ZMAT4: variants seen among roughly 807,000 people sequenced by gnomAD.
ZMAT4 encodes the protein zinc finger matrin-type 4.
A neutral mutation model predicts 28.7 loss-of-function variants in ZMAT4; 17 were observed. The ratio of observed to expected loss-of-function variants is 0.59; its 90% CI spans 0.41 to 0.89. ZMAT4 has a LOEUF of 0.89. ZMAT4 is among the 40% of genes least tolerant of loss of function. The probability of loss-of-function intolerance (pLI) is 0.00; values close to 1 mark genes in which losing one functional copy is unlikely to be tolerated. For synonymous variants in ZMAT4, 117 were observed against 109.2 expected (o/e 1.07, Z -0.44); for missense variants, 240 against 283.8 (o/e 0.85, Z 1.11).
intron 1 of ZMAT4, among the ~76,000 whole-genome samples, chr8:40,868,275 C>G (rs1258727951): frequency 2.6e-5 from 4 of 152,270 alleles, no homozygotes; most frequent in Middle Eastern, 3.4e-3. Context: ...TATCAGGAGA[C>G]AGAGTGCTGT....
At chr8:40,675,318 C>A (rs984242911) in intron 4 of ZMAT4, among the ~76,000 whole-genome samples, 4 of 152,016 alleles carry the variant, frequency 2.6e-5, no homozygotes, top group African/African-American at 9.7e-5. Context: ...AAGGCCTTTC[C>A]CACTCACTTT....
intron 6 of ZMAT4, among the ~76,000 whole-genome samples, chr8:40,572,396 A>G (rs985448132): frequency 1.3e-5 from 2 of 152,204 alleles, no homozygotes; most frequent in African/African-American, 2.4e-5. Flanking sequence ...AGGAAGAAGC[A>G]GATTTAGAAA....
intron 2 of ZMAT4, among the ~76,000 whole-genome samples, chr8:40,795,021 G>A (rs1276084749): frequency 6.6e-6 from 1 of 152,140 alleles, no homozygotes; most frequent in Admixed American, 6.5e-5. Flanking sequence ...AGGAACCTAA[G>A]ACAAAGCCTC....
intron 3 of ZMAT4, among the ~76,000 whole-genome samples, chr8:40,760,496 G>C (rs942845561): frequency 2.6e-5 from 4 of 152,070 alleles, no homozygotes. Flanking sequence ...AACCAGATTG[G>C]GGGTAGGAGA....
chr8:40,799,154 G>T (rs574186499), intron 2 of ZMAT4, among the ~76,000 whole-genome samples: 1 of 144,726 alleles, frequency 6.9e-6, no homozygotes, highest in Non-Finnish European at 1.5e-5. Context: ...TGGCTGGCTG[G>T]CTGGATGGAT....
intron 3 of ZMAT4, among the ~76,000 whole-genome samples, chr8:40,702,335 G>A (rs574907047): frequency 6.6e-6 from 1 of 152,234 alleles, no homozygotes; most frequent in African/African-American, 2.4e-5. Flanking sequence ...TTGATTAATT[G>A]ACCTCAATGA....
chr8:40,865,549 A>G (rs1817646641), intron 1 of ZMAT4, among the ~76,000 whole-genome samples: 1 of 152,186 alleles, frequency 6.6e-6, no homozygotes, highest in African/African-American at 2.4e-5. Context: ...AATGACCATC[A>G]ACATCCATCT....
At position 40,719,539 on chromosome 8, in the gene ZMAT4, C is replaced by T. The variant is rs75178368; in HGVS notation, c.193-22138G>A. 6.4e-3 allele frequency among the ~76,000 whole-genome samples: 975 copies of T among 151,984 alleles called. 12 individuals carry two copies. The highest frequency in any genetic ancestry group is 0.022 in the African/African-American group (927 of 41,472). Reference sequence around the variant, plus strand: ...TTCAGCAACAGTGACTGACAGGCAGCGAGTTCGTGGAGAAGGCACTCAAGG... The same window carrying T: ...TTCAGCAACAGTGACTGACAGGCAGTGAGTTCGTGGAGAAGGCACTCAAGG... On this transcript the variant is annotated intron_variant, in intron 3 of 6. Coordinates refer to ENST00000297737, the MANE Select transcript of ZMAT4 (RefSeq NM_024645.3).
intron 6 of ZMAT4, among the ~76,000 whole-genome samples, 159 bp from the exon 7 acceptor site, chr8:40,532,397 T>C (rs1034949404): frequency 2.6e-5 from 2 of 76,240 alleles, no homozygotes; most frequent in African/African-American, 1.3e-4. Flanking sequence ...TTTCAGGTTC[T>C]AAATAACCTG....
At chr8:40,833,043 A>G (rs2150619243) in intron 1 of ZMAT4, among the ~76,000 whole-genome samples, 1 of 152,214 alleles carries the variant, frequency 6.6e-6, no homozygotes, top group East Asian at 1.9e-4. Context: ...TTTGCTCTCT[A>G]GGCTGTCTAC....
chr8:40,692,206 G>T (rs369922617), intron 4 of ZMAT4, among the ~76,000 whole-genome samples: 6 of 152,134 alleles, frequency 3.9e-5, no homozygotes, highest in Non-Finnish European at 7.3e-5. Context: ...ACCTCAGAAT[G>T]GTTCTCTATC....
intron 5 of ZMAT4, among the ~76,000 whole-genome samples, chr8:40,581,739 C>A (rs561482837): frequency 6.6e-6 from 1 of 152,188 alleles, no homozygotes; most frequent in South Asian, 2.1e-4. Flanking sequence ...ATGTAAATAC[C>A]AGGAGGAGAA....
chr8:40,734,916 AT>A (rs774329906), intron 3 of ZMAT4, among the ~76,000 whole-genome samples: 8 of 152,232 alleles, frequency 5.3e-5, no homozygotes, highest in Non-Finnish European at 1.2e-4. Flanking sequence ...ATAAAATAAA[AT>A]TAGAATCTAC....
intron 1 of ZMAT4, among the ~76,000 whole-genome samples, chr8:40,836,617 T>G (rs556473403): frequency 6.6e-6 from 1 of 152,132 alleles, no homozygotes; most frequent in South Asian, 2.1e-4. Flanking sequence ...AATCAGAAGA[T>G]CACATCTACA....
intron 2 of ZMAT4, among the ~76,000 whole-genome samples, chr8:40,795,561 T>C (rs1814562237): frequency 6.6e-6 from 1 of 152,212 alleles, no homozygotes; most frequent in East Asian, 1.9e-4. Context: ...TGGGGGCTCC[T>C]TTTATGTTTT....
intron 5 of ZMAT4, among the ~76,000 whole-genome samples, chr8:40,604,769 A>G (rs1418297547): frequency 2.0e-5 from 3 of 152,154 alleles, no homozygotes; most frequent in Non-Finnish European, 2.9e-5. Flanking sequence ...CTCCTTCTCT[A>G]TCTTTTGGAG....
chr8:40,837,506 G>A (rs1465770956), intron 1 of ZMAT4, among the ~76,000 whole-genome samples: 1 of 152,176 alleles, frequency 6.6e-6, no homozygotes, highest in Non-Finnish European at 1.5e-5. Flanking sequence ...TGGCATGGCT[G>A]GGGAAAAAGA....
At chr8:40,795,440 A>G (rs1222046657) in intron 2 of ZMAT4, among the ~76,000 whole-genome samples, 1 of 152,226 alleles carries the variant, frequency 6.6e-6, no homozygotes, top group South Asian at 2.1e-4. Flanking sequence ...TTTTAGTGCA[A>G]TTTCTGGCCA....
chr8:40,873,825 G>T (rs557992849), intron 1 of ZMAT4, among the ~76,000 whole-genome samples: 1 of 152,292 alleles, frequency 6.6e-6, no homozygotes, highest in East Asian at 1.9e-4. Flanking sequence ...AACTTCTATT[G>T]TTTTTGATGA....
Sources: allele counts gnomAD v4.1 joint callset (sites outside exome capture counted in the v4.1 genomes callset), GRCh38; gene constraint gnomAD v4.1.1; transcripts MANE v1.5; gene names NCBI Gene and HGNC (gene_info 2026-07-23, HGNC 2026-07-21).